The following TMEM178B variants were observed in gnomAD, a reference collection of about 807,000 sequenced individuals.
TMEM178B encodes transmembrane protein 178B.
In TMEM178B, 5 loss-of-function variants were observed where a neutral mutation model predicts 31.0. That is an observed-to-expected ratio of 0.16 (90% confidence interval 0.08 to 0.34). The LOEUF is 0.34. Ranked by LOEUF, TMEM178B falls within the 10% of genes least tolerant of loss-of-function variation. The pLI is 1.00. For missense variants in TMEM178B, 275 were observed against 400.3 expected, an observed-to-expected ratio of 0.69 and a Z score of 2.67; for synonymous variants, 164 against 164.0, an observed-to-expected ratio of 1.00 and a Z score of 0.00.
chr7:141,128,454 T>A (rs1795541046), intron 1 of TMEM178B, among the ~76,000 whole-genome samples: 1 of 152,146 alleles, frequency 6.6e-6, no homozygotes, highest in African/African-American at 2.4e-5. Flanking sequence ...TCCTCATTTT[T>A]GCTACTCAGC....
intron 3 of TMEM178B, among the ~76,000 whole-genome samples, chr7:141,451,254 C>T (rs1416948743): frequency 3.3e-5 from 5 of 152,218 alleles, no homozygotes; most frequent in African/African-American, 1.2e-4. Flanking sequence ...GTATCACCAC[C>T]TGTAAAATCA....
intron 1 of TMEM178B, among the ~76,000 whole-genome samples, chr7:141,150,174 G>C (rs556599189): frequency 2.2e-3 from 328 of 152,214 alleles, no homozygotes; most frequent in African/African-American, 7.6e-3. Flanking sequence ...AAATTTGAGG[G>C]TCATTAGCAT....
chr7:141,264,643 T>G (rs1013754102), intron 2 of TMEM178B, among the ~76,000 whole-genome samples: 2 of 152,214 alleles, frequency 1.3e-5, no homozygotes, highest in African/African-American at 4.8e-5. Flanking sequence ...TGTGATTTAC[T>G]CTTTCATTTT....
chr7:141,204,559 G>A (rs1796932561), intron 1 of TMEM178B, among the ~76,000 whole-genome samples: 2 of 152,178 alleles, frequency 1.3e-5, no homozygotes, highest in Admixed American at 6.5e-5. Flanking sequence ...CACTAGTTTT[G>A]TCCACAAAGA....
intron 2 of TMEM178B, among the ~76,000 whole-genome samples, chr7:141,276,857 T>A (rs1419983136): frequency 6.6e-6 from 1 of 152,242 alleles, no homozygotes; most frequent in Non-Finnish European, 1.5e-5. Context: ...GTGGCTGTAC[T>A]GAATATGGTA....
At chr7:141,168,858 A>C (rs961578703) in intron 1 of TMEM178B, among the ~76,000 whole-genome samples, 10 of 152,174 alleles carry the variant, frequency 6.6e-5, no homozygotes, top group Non-Finnish European at 1.5e-4. Context: ...ATCGGGACAT[A>C]ATAATTGTAT....
chr7:141,407,747 T>C (rs897300766), intron 2 of TMEM178B, among the ~76,000 whole-genome samples: 1 of 152,172 alleles, frequency 6.6e-6, no homozygotes, highest in Non-Finnish European at 1.5e-5. Flanking sequence ...CGAACCTACA[T>C]CATGATCCAA....
At chr7:141,393,734 GT>G (rs1206795866) in intron 2 of TMEM178B, among the ~76,000 whole-genome samples, 1 of 152,224 alleles carries the variant, frequency 6.6e-6, no homozygotes, top group Non-Finnish European at 1.5e-5. Context: ...GTTTATGCTT[GT>G]GGTTATCACA....
chr7:141,313,819 C>T (rs965947039), intron 2 of TMEM178B, among the ~76,000 whole-genome samples: 3 of 130,162 alleles, frequency 2.3e-5, no homozygotes, highest in South Asian at 2.2e-4. Context: ...TATTGATGTG[C>T]GTCTTTGGAA....
At chr7:141,309,417 G>A (rs1798870976) in intron 2 of TMEM178B, among the ~76,000 whole-genome samples, 1 of 152,158 alleles carries the variant, frequency 6.6e-6, no homozygotes, top group Non-Finnish European at 1.5e-5. Flanking sequence ...GTAGACATTT[G>A]GAAAGTATAG....
chr7:141,196,741 T>C (rs1338437414), intron 1 of TMEM178B, among the ~76,000 whole-genome samples: 3 of 152,158 alleles, frequency 2.0e-5, no homozygotes, highest in African/African-American at 7.2e-5. Context: ...TCTGCTTTCA[T>C]GTCTTGGGGA....
chr7:141,115,981 TAAC>T (rs1275125889), intron 1 of TMEM178B, among the ~76,000 whole-genome samples: 6 of 152,272 alleles, frequency 3.9e-5, no homozygotes, highest in African/African-American at 1.4e-4. Flanking sequence ...AAATGGAAAT[TAAC>T]AACATTAATT....
At chr7:141,379,306 A>G (rs1409145486) in intron 2 of TMEM178B, among the ~76,000 whole-genome samples, 1 of 140,258 alleles carries the variant, frequency 7.1e-6, no homozygotes, top group African/African-American at 2.6e-5. Context: ...TGTTTTTCTA[A>G]AAAAAAAAAA....
chr7:141,343,848 C>T (rs1014566149), intron 2 of TMEM178B, among the ~76,000 whole-genome samples: 2 of 152,132 alleles, frequency 1.3e-5, no homozygotes, highest in South Asian at 2.1e-4. Context: ...CGCGCCCAGC[C>T]GGGAACTCTT....
chr7:141,421,400 G>A (rs764479400), intron 2 of TMEM178B, among the ~76,000 whole-genome samples: 7 of 152,154 alleles, frequency 4.6e-5, no homozygotes, highest in Admixed American at 6.5e-5. Context: ...CTGCCTCGTA[G>A]CATGGCAGTG....
the TMEM178B span, among the ~76,000 whole-genome samples, chr7:141,500,223 ACAAG>A: frequency 6.6e-6 from 1 of 152,216 alleles, no homozygotes; most frequent in Admixed American, 6.5e-5. Flanking sequence ...TCAGGGATAC[ACAAG>A]ATACGAGCCC....
intron 2 of TMEM178B, among the ~76,000 whole-genome samples, chr7:141,222,761 T>C (rs1464045023): frequency 1.3e-5 from 2 of 152,168 alleles, no homozygotes; most frequent in Non-Finnish European, 2.9e-5. Context: ...CACAGGTATG[T>C]GTGATGGGAG....
intron 2 of TMEM178B, among the ~76,000 whole-genome samples, chr7:141,358,084 T>C (rs1241439608): frequency 6.6e-6 from 1 of 152,194 alleles, no homozygotes; most frequent in East Asian, 1.9e-4. Flanking sequence ...GAAATGTTAT[T>C]GTTTATATAA....
intron 1 of TMEM178B, among the ~76,000 whole-genome samples, chr7:141,167,573 G>A (rs1796282504): frequency 6.6e-6 from 1 of 152,182 alleles, no homozygotes; most frequent in African/African-American, 2.4e-5. Flanking sequence ...GACATCCCTC[G>A]CTCTTTTTCG....
Sources: allele counts gnomAD v4.1 joint callset (sites outside exome capture counted in the v4.1 genomes callset), GRCh38; gene constraint gnomAD v4.1.1; transcripts MANE v1.5; gene names NCBI Gene and HGNC (gene_info 2026-07-23, HGNC 2026-07-21).